Variants in NUTM2B observed in about 807,000 individuals in gnomAD.
NUTM2B encodes family with sequence similarity 22, member B.
NUTM2B carries 2 observed loss-of-function variants against 42.4 expected under a neutral mutation model. The ratio of observed to expected loss-of-function variants is 0.05; its 90% confidence interval spans 0.02 to 0.15. NUTM2B has a LOEUF of 0.15. Ranked by LOEUF, NUTM2B falls within the 10% of genes least tolerant of loss-of-function variation. The pLI is 1.00. For missense variants in NUTM2B, 58 were observed against 952.6 expected, an observed-to-expected ratio of 0.06 and a Z score of 12.36; for synonymous variants, 18 against 402.4, an observed-to-expected ratio of 0.04 and a Z score of 11.43.
upstream of NUTM2B, among the ~76,000 whole-genome samples, chr10:79,701,421 G>C (rs1028621318): frequency 1.3e-5 from 2 of 152,034 alleles, no homozygotes; most frequent in Non-Finnish European, 2.9e-5. Context: ...AAAACTAGTA[G>C]AGAAGCAACT....
In NUTM2B at chr10:79,704,612, CTTTGA is replaced by C. The variant is rs752609509; in HGVS notation, c.382+625_382+629del. On this transcript the variant is annotated intron_variant, in intron 1 of 6. Coordinates refer to ENST00000429828, the Ensembl canonical transcript of NUTM2B. ...CTCTGTCAGTTCAGGTAGCTGTTGGCTTTGATTTAACAGGGGTGGGGGCAGATGAG... is the reference window on the plus strand; with the variant it reads ...CTCTGTCAGTTCAGGTAGCTGTTGGCTTTAACAGGGGTGGGGGCAGATGAG... Among the ~76,000 whole-genome samples, 36 of 134,346 alleles carry C rather than the reference CTTTGA, an allele frequency of 2.7e-4. 1 individual carries two copies. Among genetic ancestry groups the C allele is most frequent in the African/African-American group, 8.3e-4 (30 of 35,986 alleles). The allele number at this position is 134,346 out of a possible 152,430, so 88.1% of individuals were successfully genotyped here. A position where few individuals can be genotyped will look rare whatever the true frequency, so the allele number is the denominator to read the frequency against.
upstream of NUTM2B, among the ~76,000 whole-genome samples, chr10:79,702,597 G>C (rs1193229812): frequency 6.6e-6 from 1 of 151,060 alleles, no homozygotes; most frequent in African/African-American, 2.5e-5. Flanking sequence ...TGCCGACAGG[G>C]TGTGTTTCAG....
At chr10:79,705,746 C>T (rs1235404310) in intron 1 of NUTM2B, among the ~76,000 whole-genome samples, 16 of 147,846 alleles carry the variant, frequency 1.1e-4, no homozygotes, top group African/African-American at 1.7e-4. Context: ...TTGGGAGATG[C>T]CTGTGAGGCT....
chr10:79,700,697 C>G (rs1230111860), upstream of NUTM2B, among the ~76,000 whole-genome samples: 3 of 152,096 alleles, frequency 2.0e-5, no homozygotes, highest in Non-Finnish European at 2.9e-5. Flanking sequence ...GGTGGGTCAC[C>G]GCCCTTTGCT....
the NUTM2B span, among the ~76,000 whole-genome samples, chr10:79,695,959 C>T: frequency 2.7e-5 from 4 of 149,132 alleles, no homozygotes; most frequent in Middle Eastern, 3.4e-3. Flanking sequence ...ATTCTTTGGC[C>T]CTAAGAATGA....
chr10:79,697,726 G>C, the NUTM2B span, among the ~76,000 whole-genome samples: 3 of 127,740 alleles, frequency 2.3e-5, no homozygotes, highest in African/African-American at 9.0e-5. Flanking sequence ...AAATCCTATA[G>C]GCATAGGCTC....
chr10:79,710,898 T>C (rs1160333822), intron 5 of NUTM2B, 134 bp downstream of exon 5: 17 of 1,307,682 alleles, frequency 1.3e-5, no homozygotes, highest in South Asian at 1.7e-5. Flanking sequence ...GTGTATGTGA[T>C]TGTGTGTGTC....
rs1341526996 is a variant in NUTM2B at position 79,710,772 on chromosome 10, G to A, written c.1734+8G>A. ...AAAGACTTCGTCACCAAGGTGGGCTGGCCTGGAGTGCTGGGGTCTGCTGGA... is the reference window on the plus strand; with the variant it reads ...AAAGACTTCGTCACCAAGGTGGGCTAGCCTGGAGTGCTGGGGTCTGCTGGA... On this transcript the variant is annotated splice_region_variant and intron_variant, in intron 5 of 6. Coordinates refer to ENST00000429828, the Ensembl canonical transcript of NUTM2B. The A allele has an allele frequency of 7.9e-7, 1 of 1,267,844 alleles. No individual in the cohort carries two copies. Among genetic ancestry groups the A allele is most frequent in the East Asian group, 2.6e-5 (1 of 38,086 alleles). The allele number at this position is 1,267,844 out of a possible 1,614,324, so 78.5% of individuals were successfully genotyped here.
chr10:79,699,115 C>T (rs957843004), upstream of NUTM2B, among the ~76,000 whole-genome samples: 4 of 151,758 alleles, frequency 2.6e-5, no homozygotes, highest in African/African-American at 9.7e-5. Flanking sequence ...AAAAGAAGCA[C>T]GCATCACCAT....
At chr10:79,692,316 C>T in the NUTM2B span, among the ~76,000 whole-genome samples, 1 of 152,240 alleles carries the variant, frequency 6.6e-6, no homozygotes, top group Non-Finnish European at 1.5e-5. Context: ...CATATGAATG[C>T]CAATCTTTAT....
chr10:79,699,991 A>C (rs1840283277), upstream of NUTM2B, among the ~76,000 whole-genome samples: 1 of 152,258 alleles, frequency 6.6e-6, no homozygotes, highest in Non-Finnish European at 1.5e-5. Flanking sequence ...GTGTGCAGTA[A>C]ATTTTAGATA....
At chr10:79,695,434 AAACTCCTAAC>A in the NUTM2B span, among the ~76,000 whole-genome samples, 2 of 152,202 alleles carry the variant, frequency 1.3e-5, no homozygotes, top group Non-Finnish European at 2.9e-5. Context: ...CACTGAGATA[AAACTCCTAAC>A]ACAGAAACCA....
chr10:79,694,124 G>A, the NUTM2B span, among the ~76,000 whole-genome samples: 5 of 152,138 alleles, frequency 3.3e-5, no homozygotes, highest in East Asian at 1.9e-4. Flanking sequence ...CTGGCCAGAC[G>A]TAATGGCTCA....
At chr10:79,709,691 A>C in intron 3 of NUTM2B, 109 bp from the exon 4 acceptor site, 2 of 1,083,278 alleles carry the variant, frequency 1.8e-6, no homozygotes, top group Non-Finnish European at 2.5e-6. Context: ...GAGGGCCTGG[A>C]CAGCCCACCC....
chr10:79,695,531 T>C, the NUTM2B span, among the ~76,000 whole-genome samples: 2 of 152,110 alleles, frequency 1.3e-5, no homozygotes, highest in South Asian at 2.1e-4. Context: ...TGGGGACAGG[T>C]TGGTTGAGAA....
intron 1 of NUTM2B, among the ~76,000 whole-genome samples, chr10:79,705,242 G>A (rs995932568): frequency 4.2e-5 from 6 of 144,040 alleles, no homozygotes; most frequent in Non-Finnish European, 7.5e-5. Flanking sequence ...GCCATTTGCT[G>A]GCTGTGTTCT....
At chr10:79,700,167 T>C (rs1186028678), upstream of NUTM2B, among the ~76,000 whole-genome samples, 1 of 152,266 alleles carries the variant, frequency 6.6e-6, no homozygotes, top group African/African-American at 2.4e-5. Flanking sequence ...GGACTGTTCT[T>C]CCACTTTGCA....
At chr10:79,702,179 C>T (rs1286586040), upstream of NUTM2B, among the ~76,000 whole-genome samples, 3 of 151,926 alleles carry the variant, frequency 2.0e-5, no homozygotes, top group Admixed American at 6.6e-5. Flanking sequence ...AATTGCTCTC[C>T]GTTGATCTTC....
the NUTM2B span, among the ~76,000 whole-genome samples, chr10:79,695,653 G>T: frequency 6.6e-6 from 1 of 152,032 alleles, no homozygotes. Flanking sequence ...ATGTTAGAGG[G>T]TGTCCTCGTC....
Sources: gnomAD v4.1 joint callset for allele counts (sites outside exome capture counted in the v4.1 genomes callset) on GRCh38, gnomAD v4.1.1 for gene constraint, MANE v1.5 for transcripts, NCBI Gene and HGNC (gene_info 2026-07-23, HGNC 2026-07-21) for gene names.